VIPR2: variants seen among roughly 807,000 people sequenced by gnomAD.
The protein encoded by VIPR2 is vasoactive intestinal polypeptide receptor 2.
Under a neutral mutation model 58.0 loss-of-function variants are expected in VIPR2, and 48 were observed. The observed-to-expected ratio is 0.83, with a 90% CI of 0.66 to 1.05. The LOEUF (loss-of-function observed/expected upper bound fraction) is 1.05, where lower values mean the gene tolerates loss of function less well. Ranked by LOEUF, VIPR2 falls within the 50% of genes least tolerant of loss-of-function variation. The probability of loss-of-function intolerance (pLI) is 0.00; values close to 1 mark genes in which losing one functional copy is unlikely to be tolerated. For synonymous variants in VIPR2, 243 were observed against 235.2 expected, an observed-to-expected ratio of 1.03 and a Z score of -0.30; for missense variants, 534 against 558.0, an observed-to-expected ratio of 0.96 and a Z score of 0.43.
chr7:159,030,492 G>A lies in VIPR2; in HGVS notation c.*124C>T, dbSNP rs1853474284. On this transcript the variant is annotated 3_prime_UTR_variant, in exon 13 of 13. Coordinates refer to ENST00000262178, the MANE Select transcript of VIPR2 (RefSeq NM_003382.5). ...TTTAGTGGACAACCAGCTTGACGGA[G>A]TCAGGACCGCGCTGACCTGCCCGAC... The A allele has an allele frequency of 7.9e-7, 1 of 1,259,536 alleles. No individual in the cohort carries two copies. The highest frequency in any genetic ancestry group is 1.1e-6 in the Non-Finnish European group (1 of 943,540). 78.0% of individuals were successfully genotyped at this position (1,259,536 alleles called of 1,614,324 possible).
rs570980323 is a variant in VIPR2 at position 159,044,433 on chromosome 7, T to C, written c.456-1257A>G. On this transcript the variant is annotated intron_variant, in intron 5 of 12. Transcript: ENST00000262178. Reference sequence around the variant, plus strand: ...TCAACAAAAAATATAAAGCAAAAAATAATAATAAGAAAATATGGCCCATTT... The same window carrying C: ...TCAACAAAAAATATAAAGCAAAAAACAATAATAAGAAAATATGGCCCATTT... 2.6e-5 allele frequency among the ~76,000 whole-genome samples: 4 copies of C among 151,256 alleles called. No individual in the cohort carries two copies. In the East Asian group the frequency reaches 7.8e-4, roughly 29 times the overall value.
rs1481200636 is a variant in VIPR2 at position 159,127,441 on chromosome 7, A to C, written c.151+15005T>G. ...AATGAACAAGAGGATTTTTCAAAGT[A>C]ACGTTTATAGGTCCAGATAGAACCT... On this transcript the variant is annotated intron_variant, in intron 2 of 12. Coordinates refer to ENST00000262178, the MANE Select transcript of VIPR2 (RefSeq NM_003382.5). The surrounding 1 kb of genome is among the most constrained non-coding windows in gnomAD (Gnocchi z 4.6). Among the ~76,000 whole-genome samples, 2 of 152,348 alleles carry C rather than the reference A, an allele frequency of 1.3e-5. No individual in the cohort carries two copies. Among genetic ancestry groups the C allele is most frequent in the East Asian group, 3.9e-4 (2 of 5,182 alleles).
intron 4 of VIPR2, among the ~76,000 whole-genome samples, chr7:159,091,482 A>G (rs919235862): frequency 2.0e-5 from 3 of 152,186 alleles, no homozygotes; most frequent in African/African-American, 7.2e-5. Context: ...TGATGAAAGG[A>G]ATTTTTATAA....
chr7:159,062,147 G>GC (rs1855714526), intron 4 of VIPR2, among the ~76,000 whole-genome samples: 1 of 152,178 alleles, frequency 6.6e-6, no homozygotes, highest in African/African-American at 2.4e-5. Flanking sequence ...TTGATGGGGG[G>GC]CCCGCGGGCC....
At chr7:159,062,422 G>A (rs962637180) in intron 4 of VIPR2, among the ~76,000 whole-genome samples, 1 of 152,216 alleles carries the variant, frequency 6.6e-6, no homozygotes, top group Non-Finnish European at 1.5e-5. Context: ...GTTCGGACAT[G>A]TTTAGAGTTT....
intron 6 of VIPR2, among the ~76,000 whole-genome samples, chr7:159,037,400 T>C (rs1359299804): frequency 6.6e-6 from 1 of 152,232 alleles, no homozygotes; most frequent in Non-Finnish European, 1.5e-5. Context: ...TCTGTCCCTT[T>C]GTGTGAACAG....
intron 6 of VIPR2, among the ~76,000 whole-genome samples, chr7:159,038,362 T>A (rs1854105598): frequency 6.6e-6 from 1 of 152,138 alleles, no homozygotes. Flanking sequence ...ATTGTCCATC[T>A]TTGCCACCAG....
intron 4 of VIPR2, among the ~76,000 whole-genome samples, chr7:159,070,286 G>A (rs186063302): frequency 8.1e-4 from 123 of 152,100 alleles, no homozygotes; most frequent in African/African-American, 2.8e-3. Context: ...GGAGGACTCC[G>A]CACACGACCC....
intron 4 of VIPR2, among the ~76,000 whole-genome samples, chr7:159,088,325 C>A (rs548467286): frequency 6.6e-6 from 1 of 152,290 alleles, no homozygotes; most frequent in East Asian, 1.9e-4. Context: ...ACCTGTACAC[C>A]ACAATCATGC....
chr7:159,032,564 AC>A (rs1178900168), intron 10 of VIPR2, among the ~76,000 whole-genome samples: 2 of 152,182 alleles, frequency 1.3e-5, no homozygotes, highest in African/African-American at 4.8e-5. Flanking sequence ...GCGGCAGAGG[AC>A]CTGCCTGATT....
intron 4 of VIPR2, among the ~76,000 whole-genome samples, chr7:159,072,870 C>T (rs1447916270): frequency 6.6e-6 from 1 of 152,214 alleles, no homozygotes; most frequent in Non-Finnish European, 1.5e-5. Context: ...ATGCACAGCT[C>T]TGTGCTAACA....
At chr7:159,070,031 C>A (rs1002305887) in intron 4 of VIPR2, among the ~76,000 whole-genome samples, 48 of 152,176 alleles carry the variant, frequency 3.2e-4, no homozygotes, top group African/African-American at 1.1e-3. Flanking sequence ...CCAGACAGAA[C>A]CTGTTTGCTT....
In VIPR2 at chr7:159,098,047, C is replaced by CT. The variant is rs545990232; in HGVS notation, c.357+5709dup. ...AGCTCCTCCGTGGCCTCTTGGAAGC[C>CT]TGAGCCCTGCCGGGGCAAGCGGAAT... On this transcript the variant is annotated intron_variant, in intron 4 of 12. Coordinates refer to ENST00000262178, the MANE Select transcript of VIPR2 (RefSeq NM_003382.5). The surrounding 1 kb of genome is among the most constrained non-coding windows in gnomAD (Gnocchi z 5.2). Among the ~76,000 whole-genome samples, 637 of 152,352 alleles carry CT rather than the reference C, an allele frequency of 4.2e-3. 2 individuals carry two copies. Among genetic ancestry groups the CT allele is most frequent in the African/African-American group, 0.015 (612 of 41,582 alleles).
At chr7:159,045,006 T>C (rs151152049) in intron 5 of VIPR2, among the ~76,000 whole-genome samples, 3 of 152,142 alleles carry the variant, frequency 2.0e-5, no homozygotes, top group African/African-American at 7.2e-5. Flanking sequence ...TCTGACCGTA[T>C]GTGATCCGCC....
intron 4 of VIPR2, among the ~76,000 whole-genome samples, chr7:159,061,954 C>T (rs1010532715): frequency 1.8e-4 from 28 of 152,202 alleles, no homozygotes; most frequent in Non-Finnish European, 2.9e-4. Context: ...GTCTGGAGTC[C>T]ATGGCGGGAG....
At chr7:159,050,077 G>A (rs557351659) in intron 5 of VIPR2, among the ~76,000 whole-genome samples, 22 of 152,156 alleles carry the variant, frequency 1.4e-4, no homozygotes, top group African/African-American at 4.8e-4. Context: ...TGGCTCACGC[G>A]TGTAATCCTA....
intron 4 of VIPR2, among the ~76,000 whole-genome samples, chr7:159,094,602 T>C (rs73169244): frequency 0.13 from 19,411 of 152,264 alleles, 1,435 homozygotes; most frequent in East Asian, 0.16. Flanking sequence ...GCGGTGATAA[T>C]TGCAGTGTGA....
intron 2 of VIPR2, among the ~76,000 whole-genome samples, chr7:159,112,111 T>C (rs1406033207): frequency 6.6e-6 from 1 of 152,266 alleles, no homozygotes; most frequent in Non-Finnish European, 1.5e-5. Context: ...AATTGCTGCT[T>C]TAAATTTCAA....
chr7:159,055,610 C>T (rs751428251), intron 5 of VIPR2, among the ~76,000 whole-genome samples: 3 of 152,036 alleles, frequency 2.0e-5, no homozygotes, highest in Admixed American at 6.6e-5. Context: ...TGTCCCCCAC[C>T]GGTGCCGTTT....
Sources: gnomAD v4.1 joint callset for allele counts (sites outside exome capture counted in the v4.1 genomes callset) on GRCh38, gnomAD v4.1.1 for gene constraint, Gnocchi (gnomAD v3.1) non-coding constraint, MANE v1.5 for transcripts, NCBI Gene and HGNC (gene_info 2026-07-23, HGNC 2026-07-21) for gene names.